The following SGK1 variants were observed in gnomAD, a reference collection of about 807,000 sequenced individuals.
The protein encoded by SGK1 is serum/glucocorticoid regulated kinase 1, also known as serine/threonine-protein kinase Sgk1.
Under a neutral mutation model 64.2 loss-of-function variants are expected in SGK1, and 26 were observed. That is an observed-to-expected ratio of 0.40 (90% CI 0.30 to 0.56). The LOEUF (loss-of-function observed/expected upper bound fraction) is 0.56, where lower values mean the gene tolerates loss of function less well. Ranked by LOEUF, SGK1 falls within the 20% of genes least tolerant of loss-of-function variation. The pLI, the probability that SGK1 is intolerant of heterozygous loss-of-function variation, is 0.38. For missense variants in SGK1, 519 were observed against 645.6 expected (o/e 0.80, Z 2.12); for synonymous variants, 265 against 239.7 (o/e 1.11, Z -0.98).
rs546780492 is a variant in SGK1 at position 134,200,023 on chromosome 6, A to C, written c.361+7333T>G. On this transcript the variant is annotated intron_variant, in intron 3 of 13. Transcript: ENST00000367858. ...GTACTGGGGAAAAACACACATTTTG[A>C]AAGTATGAAGAAACTCATTCTACCT... Among the ~76,000 whole-genome samples, 26 of 152,344 alleles carry C rather than the reference A, an allele frequency of 1.7e-4. 1 individual carries two copies. In the South Asian group the frequency reaches 5.4e-3, roughly 32 times the overall value.
Position 134,317,883 on chromosome 6 carries a change from G to A in SGK1, c.-423C>T, listed in dbSNP as rs1376852579. The A allele has an allele frequency of 5.8e-6, 1 of 170,950 alleles. No individual in the cohort carries two copies. Among genetic ancestry groups the A allele is most frequent in the Non-Finnish European group, 1.2e-5 (1 of 80,276 alleles). 10.6% of individuals were successfully genotyped at this position (170,950 alleles called of 1,614,324 possible). On this transcript the variant is annotated 5_prime_UTR_variant, in exon 1 of 14. Coordinates refer to ENST00000367858, the MANE Select transcript of SGK1 (RefSeq NM_001143676.3). Reference sequence around the variant, plus strand: ...CTCCAGGTGATGCGCTCCTGGAGGCGGCTTGAGAGAGGAGAGTTGTTTTTG... The same window carrying A: ...CTCCAGGTGATGCGCTCCTGGAGGCAGCTTGAGAGAGGAGAGTTGTTTTTG...
At chr6:134,210,009 T>C (rs1775861722) in intron 2 of SGK1, among the ~76,000 whole-genome samples, 1 of 152,306 alleles carries the variant, frequency 6.6e-6, no homozygotes, top group South Asian at 2.1e-4. Flanking sequence ...AAGCAGTGCA[T>C]GAATTTACCA....
chr6:134,200,965 G>C (rs1775670921), intron 3 of SGK1, among the ~76,000 whole-genome samples: 1 of 151,640 alleles, frequency 6.6e-6, no homozygotes, highest in South Asian at 2.1e-4. Context: ...CTCTGATGAT[G>C]ACTGATTTTG....
intron 3 of SGK1, among the ~76,000 whole-genome samples, chr6:134,180,800 T>C (rs1047936135): frequency 6.7e-6 from 1 of 150,142 alleles, no homozygotes. Flanking sequence ...GAGCCCAGGG[T>C]GTTGGAGGTT....
chr6:134,212,069 G>T (rs1775899957), intron 2 of SGK1, among the ~76,000 whole-genome samples: 1 of 147,558 alleles, frequency 6.8e-6, no homozygotes, highest in Non-Finnish European at 1.5e-5. Context: ...GTTTTTTTTG[G>T]GGGGGACGGA....
intron 9 of SGK1, 152 bp downstream of exon 9, chr6:134,172,510 G>GCA: frequency 2.6e-6 from 2 of 777,924 alleles, no homozygotes; most frequent in East Asian, 5.3e-5. Context: ...TTCCCCCTTG[G>GCA]CACTTAAGTC....
intron 3 of SGK1, among the ~76,000 whole-genome samples, chr6:134,186,359 A>G (rs1775423329): frequency 6.6e-6 from 1 of 152,226 alleles, no homozygotes; most frequent in African/African-American, 2.4e-5. Flanking sequence ...AAAATTAACA[A>G]TACTTAAATA....
At chr6:134,215,692 C>G (rs1388173973) in intron 2 of SGK1, among the ~76,000 whole-genome samples, 4 of 151,948 alleles carry the variant, frequency 2.6e-5, no homozygotes, top group African/African-American at 9.7e-5. Context: ...ACCAGCCTGG[C>G]CAAAATGGCA....
chr6:134,317,091 T>C (rs1365655858), intron 1 of SGK1, among the ~76,000 whole-genome samples: 1 of 152,220 alleles, frequency 6.6e-6, no homozygotes, highest in African/African-American at 2.4e-5. Context: ...CAGTTCTCTT[T>C]GCGACTGCCT....
chr6:134,258,769 G>C (rs1036449982), intron 2 of SGK1, among the ~76,000 whole-genome samples: 1 of 152,118 alleles, frequency 6.6e-6, no homozygotes, highest in African/African-American at 2.4e-5. Flanking sequence ...AGCGGGGGCA[G>C]ATCTCTTGAA....
intron 1 of SGK1, among the ~76,000 whole-genome samples, chr6:134,310,399 A>G (rs1777592420): frequency 6.6e-6 from 1 of 152,166 alleles, no homozygotes; most frequent in Non-Finnish European, 1.5e-5. Flanking sequence ...AGCACTGCCA[A>G]ACCTAGACTG....
chr6:134,172,883 T>G (rs1353275028), intron 8 of SGK1, 109 bp from the exon 9 acceptor site: 1 of 1,235,810 alleles, frequency 8.1e-7, no homozygotes, highest in East Asian at 2.3e-5. Flanking sequence ...ATCTATTAAC[T>G]ATAAACCTGA....
intron 3 of SGK1, among the ~76,000 whole-genome samples, chr6:134,190,355 G>A (rs997482833): frequency 5.5e-5 from 8 of 145,408 alleles, no homozygotes; most frequent in Admixed American, 2.1e-4. Context: ...GCATGATCTC[G>A]GCTCACTGCA....
chr6:134,174,523 T>C lies in SGK1; in HGVS notation c.425A>G (p.Tyr142Cys). 1 of 1,612,472 alleles carries C rather than the reference T, an allele frequency of 6.2e-7. No homozygotes were observed. Among genetic ancestry groups the C allele is most frequent in the South Asian group, 1.1e-5 (1 of 91,060 alleles). ...DFIQKIANNS[Y>C]ACKHPEVQSI... ...CGGTCAAACTTACTGTTTGCATGCA[T>C]AGGAGTTATTGGCAATCTTCTGAAT... Residue 142 changes from tyrosine to cysteine, a missense_variant, in exon 4 of 14, where the codon TAT becomes TGT. This residue lies in a region of SGK1 where 241 missense variants were observed against 236.9 expected (regional missense o/e 1.02). Transcript: ENST00000367858.
chr6:134,298,955 C>T (rs1341022997), intron 1 of SGK1, among the ~76,000 whole-genome samples: 1 of 151,850 alleles, frequency 6.6e-6, no homozygotes, highest in Non-Finnish European at 1.5e-5. Context: ...CATGCACTAC[C>T]ATGCCCAGCT....
At chr6:134,257,740 G>A (rs1776706185) in intron 2 of SGK1, among the ~76,000 whole-genome samples, 2 of 152,302 alleles carry the variant, frequency 1.3e-5, no homozygotes, top group Admixed American at 6.5e-5. Context: ...GCTGGCACAA[G>A]AATATGGGTC....
intron 1 of SGK1, 51 bp from the exon 2 acceptor site, chr6:134,262,199 T>C: frequency 7.4e-7 from 1 of 1,351,464 alleles, no homozygotes; most frequent in Non-Finnish European, 1.0e-6. Context: ...CTCCCTTTGA[T>C]GTTTATTGGG....
intron 1 of SGK1, among the ~76,000 whole-genome samples, chr6:134,295,586 C>A (rs1323845849): frequency 6.6e-6 from 1 of 152,144 alleles, no homozygotes; most frequent in African/African-American, 2.4e-5. Flanking sequence ...TGCCTGTAAT[C>A]CCAGCTACTG....
intron 1 of SGK1, among the ~76,000 whole-genome samples, chr6:134,286,413 G>T (rs1352038096): frequency 6.6e-6 from 1 of 151,934 alleles, no homozygotes; most frequent in Non-Finnish European, 1.5e-5. Context: ...AGCCGTGATT[G>T]CCACTGCACT....
Sources: gnomAD v4.1 joint callset for allele counts (sites outside exome capture counted in the v4.1 genomes callset) on GRCh38, gnomAD v4.1.1 for gene constraint, gnomAD v4.1.1 regional missense constraint, MANE v1.5 for transcripts, NCBI Gene and HGNC (gene_info 2026-07-23, HGNC 2026-07-21) for gene names.